Variants in FOCAD observed in about 807,000 individuals in gnomAD.
FOCAD encodes the protein KIAA1797.
FOCAD carries 198 observed loss-of-function variants against 225.6 expected under a neutral mutation model. The observed-to-expected ratio is 0.88, with a 90% CI of 0.78 to 0.99. The LOEUF (loss-of-function observed/expected upper bound fraction) is 0.99. FOCAD is among the 50% of genes least tolerant of loss of function. The pLI, the probability that FOCAD is intolerant of heterozygous loss-of-function variation, is 0.00. For synonymous variants in FOCAD, 897 were observed against 755.0 expected, an observed-to-expected ratio of 1.19 and a Z score of -3.08; for missense variants, 2,713 against 2,123.6, an observed-to-expected ratio of 1.28 and a Z score of -5.46.
intron 33 of FOCAD, among the ~76,000 whole-genome samples, chr9:20,950,739 C>G (rs1837609802): frequency 1.3e-5 from 2 of 152,094 alleles, no homozygotes; most frequent in South Asian, 4.1e-4. Flanking sequence ...TCAGTGAAAC[C>G]TGAGAAAACC....
chr9:20,670,058 T>G (rs1317626098), intron 2 of FOCAD, among the ~76,000 whole-genome samples: 2 of 152,240 alleles, frequency 1.3e-5, no homozygotes, highest in African/African-American at 4.8e-5. Context: ...GGGTTTATTA[T>G]GCATCTTTTT....
intron 21 of FOCAD, among the ~76,000 whole-genome samples, chr9:20,890,708 C>G (rs140384997): frequency 3.3e-5 from 5 of 152,170 alleles, no homozygotes; most frequent in African/African-American, 9.6e-5. Context: ...GAGTTCCCCT[C>G]TTTTTTATTT....
At chr9:20,772,809 T>C (rs772862430) in intron 8 of FOCAD, among the ~76,000 whole-genome samples, 1 of 152,042 alleles carries the variant, frequency 6.6e-6, no homozygotes, top group Non-Finnish European at 1.5e-5. Flanking sequence ...AATTTGCCAA[T>C]CTTATGATTA....
chr9:20,843,098 CTTTA>C (rs1306741176), intron 15 of FOCAD, among the ~76,000 whole-genome samples: 1 of 151,720 alleles, frequency 6.6e-6, no homozygotes, highest in Non-Finnish European at 1.5e-5. Flanking sequence ...TTTTTGATAG[CTTTA>C]TTTTTTAGTT....
At position 20,821,219 on chromosome 9, in the gene FOCAD, G is replaced by T. The variant is rs13283718; in HGVS notation, c.1793+148G>T. ...AACTTAAGTTTTCTGATTATAAAAT[G>T]TAATAATATTGAACAATAGCTTTGA... On this transcript the variant is annotated intron_variant, in intron 14 of 43. Transcript: ENST00000338382. 109,051 of 613,578 alleles carry T rather than the reference G, an allele frequency of 0.18. 11,341 individuals are homozygous for T. Among genetic ancestry groups the T allele is most frequent in the Non-Finnish European group, 0.2 (78,682 of 396,390 alleles). The allele number at this position is 613,578 out of a possible 1,614,324, so 38.0% of individuals were successfully genotyped here.
At chr9:20,986,600 G>A (rs1841195238) in intron 40 of FOCAD, 135 bp downstream of exon 40, 2 of 648,954 alleles carry the variant, frequency 3.1e-6, no homozygotes, top group African/African-American at 1.9e-5. Flanking sequence ...GGTGCCAAAT[G>A]AGGAGTAACT....
chr9:20,682,842 C>T (rs1478860831), upstream of FOCAD, among the ~76,000 whole-genome samples: 1 of 152,196 alleles, frequency 6.6e-6, no homozygotes, highest in African/African-American at 2.4e-5. Context: ...GCCACCTCGG[C>T]TCACTGCAAC....
rs538391885 is a variant in FOCAD, at chr9:20,689,541, C to G, written c.-33+5248C>G. 3.9e-5 allele frequency among the ~76,000 whole-genome samples: 6 copies of G among 152,012 alleles called. 1 individual carries two copies. The East Asian group carries it at 9.7e-4, about 25-fold the overall frequency. On this transcript the variant is annotated intron_variant, in intron 1 of 43. Transcript: ENST00000338382. The stretch of plus-strand genomic sequence containing the variant: ...ATTAGCCTTTACTGGTGGGGGCCAC[C>G]AAAGAAGGGGAGTTTAATTTCTATT...
At chr9:20,745,551 A>G (rs1804734751) in intron 5 of FOCAD, among the ~76,000 whole-genome samples, 2 of 152,090 alleles carry the variant, frequency 1.3e-5, no homozygotes, top group Admixed American at 1.3e-4. Context: ...TTTCCCCTAA[A>G]TTTTATCATG....
intron 15 of FOCAD, among the ~76,000 whole-genome samples, chr9:20,851,673 G>C (rs1284937876): frequency 4.0e-5 from 6 of 151,874 alleles, no homozygotes; most frequent in Non-Finnish European, 5.9e-5. Flanking sequence ...TACTGAGTTA[G>C]AATCTGTAGT....
intron 1 of FOCAD, among the ~76,000 whole-genome samples, chr9:20,692,932 ATT>A (rs949283344): frequency 6.6e-6 from 1 of 152,046 alleles, no homozygotes; most frequent in African/African-American, 2.4e-5. Flanking sequence ...ATTGGAGGCC[ATT>A]TTTTGCAAAC....
At chr9:20,771,621 G>C (rs1818239002) in intron 8 of FOCAD, among the ~76,000 whole-genome samples, 1 of 152,274 alleles carries the variant, frequency 6.6e-6, no homozygotes. Context: ...TTAGCTGGGT[G>C]TGGTGTTGCA....
chr9:20,972,660 CT>C (rs1404167240), intron 35 of FOCAD, among the ~76,000 whole-genome samples: 2 of 152,060 alleles, frequency 1.3e-5, no homozygotes, highest in African/African-American at 4.8e-5. Context: ...TCTCTGCCTG[CT>C]TTTTCAGTAT....
At chr9:20,844,187 C>T (rs1468116755) in intron 15 of FOCAD, among the ~76,000 whole-genome samples, 1 of 151,850 alleles carries the variant, frequency 6.6e-6, no homozygotes, top group African/African-American at 2.4e-5. Flanking sequence ...TAGAAACCAC[C>T]CAGATGGCCA....
At chr9:20,904,133 C>G (rs1028270925) in intron 21 of FOCAD, among the ~76,000 whole-genome samples, 14 of 151,934 alleles carry the variant, frequency 9.2e-5, no homozygotes, top group African/African-American at 2.7e-4. Flanking sequence ...ATGCATATTA[C>G]ATATTTTATT....
At chr9:20,701,988 A>G (rs1260071104) in intron 1 of FOCAD, among the ~76,000 whole-genome samples, 3 of 152,152 alleles carry the variant, frequency 2.0e-5, no homozygotes, top group Admixed American at 2.0e-4. Flanking sequence ...TTAGATTCAG[A>G]CTCAGAATAA....
intron 19 of FOCAD, 42 bp downstream of exon 19, chr9:20,874,849 G>A (rs1175642727): frequency 1.9e-6 from 3 of 1,611,394 alleles, no homozygotes; most frequent in Admixed American, 3.3e-5. Flanking sequence ...ATTTTTTAGT[G>A]GTTCGATTTG....
chr9:20,793,418 C>A (rs980652194), intron 11 of FOCAD, among the ~76,000 whole-genome samples: 1 of 152,178 alleles, frequency 6.6e-6, no homozygotes, highest in Admixed American at 6.5e-5. Context: ...AGAGTTTATA[C>A]ACAGGGAAGT....
chr9:20,953,138 C>A, intron 35 of FOCAD, 73 bp downstream of exon 35: 1 of 1,208,506 alleles, frequency 8.3e-7, no homozygotes, highest in Non-Finnish European at 1.2e-6. Flanking sequence ...GTACCCTAAG[C>A]ATGCCTCTGT....
Sources: allele counts gnomAD v4.1 joint callset (sites outside exome capture counted in the v4.1 genomes callset), GRCh38; gene constraint gnomAD v4.1.1; transcripts MANE v1.5; gene names NCBI Gene and HGNC (gene_info 2026-07-23, HGNC 2026-07-21).